The following CNTN5 variants were observed in gnomAD, a reference collection of about 807,000 sequenced individuals.
CNTN5 encodes the protein contactin-5.
A neutral mutation model predicts 129.1 loss-of-function variants in CNTN5; 77 were observed. That is an observed-to-expected ratio of 0.60 (90% CI 0.50 to 0.72). The LOEUF is 0.72. Ranked by LOEUF, CNTN5 falls within the 30% of genes least tolerant of loss-of-function variation. The pLI is 0.00. For synonymous variants in CNTN5, 509 were observed against 465.6 expected, an observed-to-expected ratio of 1.09 and a Z score of -1.20; for missense variants, 1,478 against 1,328.8, an observed-to-expected ratio of 1.11 and a Z score of -1.75.
At chr11:99,723,151 C>T (rs942160188) in intron 3 of CNTN5, among the ~76,000 whole-genome samples, 4 of 151,944 alleles carry the variant, frequency 2.6e-5, no homozygotes, top group Non-Finnish European at 5.9e-5. Context: ...ATTCTATGAC[C>T]TGGTATATAA....
Position 99,615,771 on chromosome 11 carries a change from AT to A in CNTN5, c.55+59510del, listed in dbSNP as rs1277550486. On this transcript the variant is annotated intron_variant, in intron 3 of 24. Transcript: ENST00000524871. The stretch of plus-strand genomic sequence containing the variant: ...TTACACATCTTGTTTTTTTTTTTTA[AT>A]TTTTTTTGGAGCAGAGTCTCATTCT... Among the ~76,000 whole-genome samples, 5 of 150,026 alleles carry A rather than the reference AT, an allele frequency of 3.3e-5. No individual in the cohort carries two copies. In the South Asian group the frequency reaches 1.1e-3, roughly 32 times the overall value.
chr11:99,804,083 C>A (rs995229404), intron 3 of CNTN5, among the ~76,000 whole-genome samples: 28 of 152,068 alleles, frequency 1.8e-4, no homozygotes, highest in Admixed American at 1.8e-3. Context: ...TACTCAAGTA[C>A]AAAATGCCCA....
rs570094215 is a variant in CNTN5 at position 99,664,297 on chromosome 11, TG to T, written c.55+108030del. Among the ~76,000 whole-genome samples, 412 of 152,272 alleles carry T rather than the reference TG, an allele frequency of 2.7e-3. 1 individual carries two copies. Among genetic ancestry groups the T allele is most frequent in the African/African-American group, 9.6e-3 (398 of 41,556 alleles). ...TTGTGCTGCCCGAGTTCCCACTCAG[TG>T]GTCCAGTAACAACCACACTCACTAA... On this transcript the variant is annotated intron_variant, in intron 3 of 24. Coordinates refer to ENST00000524871, the MANE Select transcript of CNTN5 (RefSeq NM_014361.4).
chr11:100,155,718 C>G (rs1044932282), intron 13 of CNTN5, among the ~76,000 whole-genome samples: 1 of 151,292 alleles, frequency 6.6e-6, no homozygotes, highest in African/African-American at 2.4e-5. Flanking sequence ...TGTAGTTCTC[C>G]TTGAGGTCCT....
chr11:99,198,689 A>G (rs2135618940), intron 1 of CNTN5, among the ~76,000 whole-genome samples: 1 of 152,340 alleles, frequency 6.6e-6, no homozygotes, highest in Admixed American at 6.5e-5. Context: ...TGTCCCAACA[A>G]GGTAAAAAAT....
At chr11:99,771,105 T>C (rs1944930366) in intron 3 of CNTN5, among the ~76,000 whole-genome samples, 1 of 152,084 alleles carries the variant, frequency 6.6e-6, no homozygotes, top group Non-Finnish European at 1.5e-5. Flanking sequence ...CAGAATATCA[T>C]ATCATTTCAT....
chr11:99,407,566 T>C (rs1177275511), intron 2 of CNTN5, among the ~76,000 whole-genome samples: 1 of 152,084 alleles, frequency 6.6e-6, no homozygotes, highest in Non-Finnish European at 1.5e-5. Flanking sequence ...CCAGCTGGTG[T>C]CTCAGTAGGT....
chr11:99,958,284 G>A (rs1334137867), intron 8 of CNTN5, among the ~76,000 whole-genome samples: 1 of 152,150 alleles, frequency 6.6e-6, no homozygotes, highest in East Asian at 1.9e-4. Flanking sequence ...TAAGAAGGTA[G>A]GATTACCAGC....
At chr11:100,009,428 G>C (rs1389242344) in intron 9 of CNTN5, among the ~76,000 whole-genome samples, 1 of 150,208 alleles carries the variant, frequency 6.7e-6, no homozygotes, top group Non-Finnish European at 1.5e-5. Context: ...GGTATGTAAA[G>C]GCTTGGGTAA....
chr11:99,518,802 G>A (rs1180576404), intron 2 of CNTN5, among the ~76,000 whole-genome samples: 2 of 151,718 alleles, frequency 1.3e-5, no homozygotes, highest in Non-Finnish European at 2.9e-5. Flanking sequence ...CCCATATAAT[G>A]TCTCTTAAAA....
intron 3 of CNTN5, among the ~76,000 whole-genome samples, chr11:99,769,218 T>C (rs1944861604): frequency 6.6e-6 from 1 of 152,136 alleles, no homozygotes; most frequent in Non-Finnish European, 1.5e-5. Context: ...CATGACTGCC[T>C]TAAATTCTGA....
chr11:99,821,641 A>C (rs1429032381), intron 4 of CNTN5, among the ~76,000 whole-genome samples: 2 of 152,156 alleles, frequency 1.3e-5, no homozygotes, highest in African/African-American at 4.8e-5. Flanking sequence ...ATAAAGGCAG[A>C]TGAAACCCAA....
chr11:99,810,322 C>T (rs1225802522), intron 3 of CNTN5, among the ~76,000 whole-genome samples: 4 of 152,126 alleles, frequency 2.6e-5, no homozygotes, highest in Non-Finnish European at 5.9e-5. Context: ...TTTCAAATCA[C>T]GCTTCTTTTC....
rs181132574 is a variant in CNTN5 at position 99,249,194 on chromosome 11, T to C, written c.-209-76152T>C. 2.4e-4 allele frequency among the ~76,000 whole-genome samples: 36 copies of C among 152,236 alleles called. No homozygotes were observed. The East Asian group carries it at 7.0e-3, about 29-fold the overall frequency. On this transcript the variant is annotated intron_variant, in intron 1 of 24. Coordinates refer to ENST00000524871, the MANE Select transcript of CNTN5 (RefSeq NM_014361.4). ...AGAGGTCTTTCATGTCCCTTGTAAG[T>C]TGGATTCCTAGGTATTTTATTCTCT...
intron 8 of CNTN5, among the ~76,000 whole-genome samples, chr11:99,989,623 C>T (rs528543508): frequency 6.6e-6 from 1 of 152,164 alleles, no homozygotes; most frequent in Non-Finnish European, 1.5e-5. Context: ...TGATTACATG[C>T]ATGTAATTAC....
chr11:99,845,280 T>A lies in CNTN5; in HGVS notation c.577+18T>A. On this transcript the variant is annotated intron_variant, in intron 6 of 24. Transcript: ENST00000524871. The stretch of plus-strand genomic sequence containing the variant: ...GTTTGCCTGTGAGTAAAATATATGA[T>A]TTTTCTATATATATGTATATAGTGT... 6.5e-7 allele frequency: 1 copy of A among 1,545,690 alleles called. No individual in the cohort carries two copies. The highest frequency in any genetic ancestry group is 1.2e-5 in the South Asian group (1 of 86,598).
chr11:99,369,627 T>C (rs1229305533), intron 2 of CNTN5, among the ~76,000 whole-genome samples: 5 of 152,022 alleles, frequency 3.3e-5, no homozygotes. Flanking sequence ...AGTTGAAACA[T>C]TTGAAATTTG....
At chr11:99,451,928 A>T (rs144192768) in intron 2 of CNTN5, among the ~76,000 whole-genome samples, 1 of 152,260 alleles carries the variant, frequency 6.6e-6, no homozygotes, top group African/African-American at 2.4e-5. Flanking sequence ...CCTAATGGAG[A>T]AACAATTAAT....
intron 8 of CNTN5, among the ~76,000 whole-genome samples, chr11:99,973,765 G>A (rs189398072): frequency 1.1e-3 from 167 of 152,180 alleles, no homozygotes; most frequent in Middle Eastern, 3.4e-3. Context: ...TAAAAATCAC[G>A]TACAGGATAT....
Sources: allele counts gnomAD v4.1 joint callset (sites outside exome capture counted in the v4.1 genomes callset), GRCh38; gene constraint gnomAD v4.1.1; transcripts MANE v1.5; gene names NCBI Gene and HGNC (gene_info 2026-07-23, HGNC 2026-07-21).